Variants in CDK17 observed in about 807,000 individuals in gnomAD.
The protein encoded by CDK17 is cyclin dependent kinase 17.
In CDK17, 24 loss-of-function variants were observed where a neutral mutation model predicts 77.6. That is an observed-to-expected ratio of 0.31 (90% CI 0.22 to 0.44). The LOEUF is 0.44. Ranked by LOEUF, CDK17 falls within the 20% of genes least tolerant of loss-of-function variation. The probability of loss-of-function intolerance (pLI) is 1.00; values close to 1 mark genes in which losing one functional copy is unlikely to be tolerated. For missense variants in CDK17, 429 were observed against 622.5 expected, an observed-to-expected ratio of 0.69 and a Z score of 3.31; for synonymous variants, 203 against 210.4, an observed-to-expected ratio of 0.96 and a Z score of 0.30.
At chr12:96,282,077 A>C (rs1346470810) in intron 15 of CDK17, 1 of 154,466 alleles carries the variant, frequency 6.5e-6, no homozygotes, top group African/African-American at 2.4e-5. Context: ...GTGTGACCAC[A>C]ATAAAGGAAA....
At chr12:96,368,177 T>C (rs1953619142) in intron 1 of CDK17, among the ~76,000 whole-genome samples, 1 of 152,160 alleles carries the variant, frequency 6.6e-6, no homozygotes, top group Non-Finnish European at 1.5e-5. Context: ...TTAAGACTAA[T>C]GTTCCTTGTA....
chr12:96,300,158 ACT>A (rs1450820440), intron 6 of CDK17, 144 bp downstream of exon 6: 1 of 605,318 alleles, frequency 1.7e-6, no homozygotes, highest in Admixed American at 3.5e-5. Context: ...ACTCCTAGAA[ACT>A]CTGTTACCTT....
chr12:96,280,193 T>G lies in CDK17; in HGVS notation c.*49A>C. 1 of 1,540,306 alleles carries G rather than the reference T, an allele frequency of 6.5e-7. No individual in the cohort carries two copies. Among genetic ancestry groups the G allele is most frequent in the Non-Finnish European group, 8.8e-7 (1 of 1,140,146 alleles). On this transcript the variant is annotated 3_prime_UTR_variant, in exon 17 of 17. Coordinates refer to ENST00000261211, the MANE Select transcript of CDK17 (RefSeq NM_002595.5). The stretch of plus-strand genomic sequence containing the variant: ...ATAATTGCCTTCAGTTCTGAGTCCT[T>G]GATTGGTAAGAAAGGCTGGGGGCTG...
chr12:96,292,504 C>G (rs996569331), intron 10 of CDK17, among the ~76,000 whole-genome samples: 1 of 152,178 alleles, frequency 6.6e-6, no homozygotes, highest in African/African-American at 2.4e-5. Context: ...ATTTGGGAGG[C>G]TGAGGCACCA....
intron 1 of CDK17, among the ~76,000 whole-genome samples, chr12:96,354,511 T>A (rs1466750120): frequency 6.6e-6 from 1 of 152,188 alleles, no homozygotes; most frequent in East Asian, 1.9e-4. Flanking sequence ...TCAAAATGTA[T>A]CAAGTCTGAT....
chr12:96,324,957 A>T (rs1438668698), intron 2 of CDK17, among the ~76,000 whole-genome samples: 1 of 152,140 alleles, frequency 6.6e-6, no homozygotes, highest in African/African-American at 2.4e-5. Context: ...GATTAATATA[A>T]AGAGTTTTTA....
At chr12:96,394,700 C>G (rs1592778239) in intron 1 of CDK17, among the ~76,000 whole-genome samples, 1 of 151,012 alleles carries the variant, frequency 6.6e-6, no homozygotes, top group African/African-American at 2.4e-5. Context: ...CACCTGTGGT[C>G]CCAGCTACTC....
At chr12:96,387,408 A>C (rs748197531) in intron 1 of CDK17, among the ~76,000 whole-genome samples, 21 of 152,252 alleles carry the variant, frequency 1.4e-4, no homozygotes, top group Non-Finnish European at 2.5e-4. Context: ...AGAGATTCTC[A>C]TTCAGAAACA....
At chr12:96,355,395 TG>T (rs1953377363) in intron 1 of CDK17, among the ~76,000 whole-genome samples, 2 of 139,714 alleles carry the variant, frequency 1.4e-5, no homozygotes, top group South Asian at 2.2e-4. Flanking sequence ...CATTCTACAT[TG>T]GGTTTTTTTT....
Position 96,297,794 on chromosome 12 carries a change from G to A in CDK17, c.716-73C>T, listed in dbSNP as rs538430839. 3.3e-5 allele frequency: 26 copies of A among 798,324 alleles called. No individual in the cohort carries two copies. The East Asian group carries it at 4.2e-4, about 13-fold the overall frequency. 49.5% of individuals were successfully genotyped at this position (798,324 alleles called of 1,614,324 possible). ...AAAACCTGAAGTAAGTTGAACATAC[G>A]AACTGATTAAAAGATTCTCTTAAGT... On this transcript the variant is annotated intron_variant, in intron 7 of 16. Coordinates refer to ENST00000261211, the MANE Select transcript of CDK17 (RefSeq NM_002595.5).
At chr12:96,377,781 C>A (rs556081133) in intron 1 of CDK17, among the ~76,000 whole-genome samples, 1 of 151,472 alleles carries the variant, frequency 6.6e-6, no homozygotes, top group East Asian at 1.9e-4. Context: ...GCAAGCTCCC[C>A]CTCCCGGGTT....
intron 3 of CDK17, among the ~76,000 whole-genome samples, chr12:96,315,981 G>T (rs1340495049): frequency 6.6e-6 from 1 of 152,116 alleles, no homozygotes; most frequent in African/African-American, 2.4e-5. Flanking sequence ...AACAGCTCCG[G>T]TCTACAGCTC....
At chr12:96,346,542 T>C (rs1953213832) in intron 1 of CDK17, among the ~76,000 whole-genome samples, 1 of 151,724 alleles carries the variant, frequency 6.6e-6, no homozygotes, top group African/African-American at 2.4e-5. Flanking sequence ...GCAGGAAAAC[T>C]GCTTGAATCC....
chr12:96,333,150 G>T (rs1592734207), intron 2 of CDK17, among the ~76,000 whole-genome samples: 1 of 151,864 alleles, frequency 6.6e-6, no homozygotes, highest in East Asian at 1.9e-4. Context: ...ATTCAATGGG[G>T]GGGGGTCCCA....
rs945761693 is a variant in CDK17, at chr12:96,289,229, T to C, written c.1056A>G (p.Leu352=). ...GAAGCACATCAGGTGGCCGGTACCA[T>C]AGTGTGACAACTTCATTTGAGTAGG... The part of the protein sequence containing the change: ...TKTYSNEVVT[L]WYRPPDVLLG... The change falls in exon 11 of 17, where the codon CTA becomes CTG. Residue 352 remains leucine, a synonymous_variant. Coordinates refer to ENST00000261211, the MANE Select transcript of CDK17 (RefSeq NM_002595.5). 1.2e-6 allele frequency: 2 copies of C among 1,613,998 alleles called. No homozygotes were observed. The highest frequency in any genetic ancestry group is 1.7e-6 in the Non-Finnish European group (2 of 1,179,882).
intron 2 of CDK17, among the ~76,000 whole-genome samples, chr12:96,331,527 C>T (rs1396993215): frequency 6.6e-6 from 1 of 152,046 alleles, no homozygotes; most frequent in Non-Finnish European, 1.5e-5. Flanking sequence ...GTTCAACCCA[C>T]CTGTCAATGT....
rs571973017 is a variant in CDK17, at chr12:96,378,271, T to G, written c.-30+21715A>C. Among the ~76,000 whole-genome samples the G allele has an allele frequency of 6.6e-5, 10 of 152,366 alleles. No individual in the cohort carries two copies. In the East Asian group the frequency reaches 1.7e-3, roughly 26 times the overall value. The stretch of plus-strand genomic sequence containing the variant: ...ATTTACTTCTATCAGCATGAACTCA[T>G]GGATATTATTTTATACTTTGGGTTA... On this transcript the variant is annotated intron_variant, in intron 1 of 16. Coordinates refer to ENST00000261211, the MANE Select transcript of CDK17 (RefSeq NM_002595.5).
chr12:96,287,990 T>C (rs949815113), intron 11 of CDK17, among the ~76,000 whole-genome samples: 1 of 152,084 alleles, frequency 6.6e-6, no homozygotes, highest in African/African-American at 2.4e-5. Context: ...CAGAAAGTAT[T>C]ATAGAACAGT....
At chr12:96,334,251 ATTTT>A (rs1953010539) in intron 2 of CDK17, among the ~76,000 whole-genome samples, 1 of 152,188 alleles carries the variant, frequency 6.6e-6, no homozygotes, top group Non-Finnish European at 1.5e-5. Flanking sequence ...AGCTCTTTTT[ATTTT>A]AACATCTGGA....
Sources: gnomAD v4.1 joint callset for allele counts (sites outside exome capture counted in the v4.1 genomes callset) on GRCh38, gnomAD v4.1.1 for gene constraint, MANE v1.5 for transcripts, NCBI Gene and HGNC (gene_info 2026-07-23, HGNC 2026-07-21) for gene names.